The following RSPO2 variants were observed in gnomAD, a reference collection of about 807,000 sequenced individuals.
RSPO2 encodes the protein R-spondin-2.
A neutral mutation model predicts 30.9 loss-of-function variants in RSPO2; 14 were observed. The observed-to-expected ratio is 0.45, with a 90% CI of 0.30 to 0.71. RSPO2 has a LOEUF of 0.71. RSPO2 is among the 30% of genes least tolerant of loss of function. RSPO2 has a pLI of 0.08. For synonymous variants in RSPO2, 107 were observed against 96.4 expected (o/e 1.11, Z -0.64); for missense variants, 264 against 301.9 (o/e 0.87, Z 0.93).
At chr8:107,949,581 T>C (rs1413268573) in intron 5 of RSPO2, among the ~76,000 whole-genome samples, 2 of 152,154 alleles carry the variant, frequency 1.3e-5, no homozygotes, top group African/African-American at 4.8e-5. Flanking sequence ...ACATTTTGAT[T>C]CCATGGAACT....
rs567922187 is a variant in RSPO2 at position 108,000,196 on chromosome 8, A to T, written c.95-10952T>A. 1.2e-4 allele frequency among the ~76,000 whole-genome samples: 19 copies of T among 152,316 alleles called. 1 individual carries two copies. The South Asian group carries it at 3.9e-3, about 32-fold the overall frequency. Reference sequence around the variant, plus strand: ...GACCTGCACAGAACATGATAAACACATTCTCATTCTAACAATTTACACACA... The same window carrying T: ...GACCTGCACAGAACATGATAAACACTTTCTCATTCTAACAATTTACACACA... On this transcript the variant is annotated intron_variant, in intron 2 of 5. Coordinates refer to ENST00000276659, the MANE Select transcript of RSPO2 (RefSeq NM_178565.5).
At chr8:107,913,857 T>C (rs1381428673) in intron 5 of RSPO2, among the ~76,000 whole-genome samples, 3 of 152,172 alleles carry the variant, frequency 2.0e-5, no homozygotes, top group Admixed American at 6.6e-5. Flanking sequence ...CTACTACATG[T>C]ATACACACAC....
At chr8:107,915,112 TA>T (rs1811939404) in intron 5 of RSPO2, among the ~76,000 whole-genome samples, 1 of 152,188 alleles carries the variant, frequency 6.6e-6, no homozygotes, top group Admixed American at 6.5e-5. Flanking sequence ...ATGTGTAATC[TA>T]AAATATACTT....
intron 5 of RSPO2, among the ~76,000 whole-genome samples, chr8:107,927,247 G>C (rs969018512): frequency 2.0e-5 from 3 of 152,164 alleles, no homozygotes; most frequent in East Asian, 1.9e-4. Flanking sequence ...CATTGATTTT[G>C]TATCCTGAGA....
chr8:107,958,291 G>T, intron 4 of RSPO2, 23 bp from the exon 5 acceptor site: 2 of 1,537,234 alleles, frequency 1.3e-6, no homozygotes, highest in Non-Finnish European at 1.8e-6. Context: ...TTTAGAAAAA[G>T]AAAAAAAAAC....
chr8:107,931,851 G>A (rs1373415475), intron 5 of RSPO2, among the ~76,000 whole-genome samples: 1 of 152,132 alleles, frequency 6.6e-6, no homozygotes, highest in East Asian at 1.9e-4. Context: ...TTAATGGAGA[G>A]GGGATTAAGA....
intron 5 of RSPO2, among the ~76,000 whole-genome samples, chr8:107,930,480 C>T (rs757455296): frequency 6.6e-6 from 1 of 152,208 alleles, no homozygotes; most frequent in Non-Finnish European, 1.5e-5. Context: ...TGCAAGGCTT[C>T]CTCAACTGCT....
chr8:108,019,325 G>A (rs7004547), intron 2 of RSPO2, among the ~76,000 whole-genome samples: 2,576 of 152,110 alleles, frequency 0.017, 67 homozygotes, highest in African/African-American at 0.058. Context: ...CTGTACTCCA[G>A]CCTGGGTGAC....
chr8:107,911,847 G>A (rs73315488), intron 5 of RSPO2, among the ~76,000 whole-genome samples: 5,640 of 152,058 alleles, frequency 0.037, 343 homozygotes, highest in African/African-American at 0.13. Context: ...CTTTGATCTC[G>A]TAATCATTTA....
chr8:108,066,068 G>GA (rs1249036056), intron 2 of RSPO2, among the ~76,000 whole-genome samples: 2 of 151,242 alleles, frequency 1.3e-5, no homozygotes, highest in Admixed American at 6.6e-5. Context: ...AAAAGAAAAA[G>GA]AAAAGACAAG....
intron 2 of RSPO2, among the ~76,000 whole-genome samples, chr8:108,000,162 G>A (rs1273809731): frequency 6.6e-6 from 1 of 152,068 alleles, no homozygotes; most frequent in East Asian, 1.9e-4. Flanking sequence ...TCTGCTTGAG[G>A]GCACAATGGA....
intron 2 of RSPO2, 154 bp from the exon 3 acceptor site, chr8:107,989,398 T>A (rs3739243): frequency 5.5e-6 from 3 of 546,864 alleles, no homozygotes; most frequent in Admixed American, 4.1e-5. Context: ...CTCTACCTCC[T>A]CCACCCAAAA....
At chr8:107,926,651 G>A (rs183354956) in intron 5 of RSPO2, among the ~76,000 whole-genome samples, 2,205 of 152,220 alleles carry the variant, frequency 0.014, 16 homozygotes, top group South Asian at 0.038. Context: ...ATTAAATAGG[G>A]AATCCTTTCC....
intron 2 of RSPO2, among the ~76,000 whole-genome samples, chr8:107,997,997 GA>G (rs1815088811): frequency 6.6e-6 from 1 of 152,188 alleles, no homozygotes; most frequent in Admixed American, 6.5e-5. Flanking sequence ...CAAAGGTACA[GA>G]TTTCTAATTC....
intron 5 of RSPO2, among the ~76,000 whole-genome samples, chr8:107,956,074 T>A (rs1380647442): frequency 1.3e-5 from 2 of 152,210 alleles, no homozygotes; most frequent in East Asian, 3.8e-4. Context: ...GATACTCCCC[T>A]GGAAGTTACG....
chr8:108,009,287 A>C (rs971848617), intron 2 of RSPO2, among the ~76,000 whole-genome samples: 49 of 152,320 alleles, frequency 3.2e-4, no homozygotes, highest in African/African-American at 1.1e-3. Context: ...TCTAGCTGAA[A>C]GAATTGGATA....
At chr8:107,966,510 G>A (rs1813811969) in intron 3 of RSPO2, among the ~76,000 whole-genome samples, 1 of 152,126 alleles carries the variant, frequency 6.6e-6, no homozygotes, top group South Asian at 2.1e-4. Context: ...AGACAGTAGA[G>A]GTCAGGAAAA....
chr8:107,966,277 C>T (rs1041669463), intron 3 of RSPO2, among the ~76,000 whole-genome samples: 2 of 152,126 alleles, frequency 1.3e-5, no homozygotes, highest in African/African-American at 4.8e-5. Flanking sequence ...ACCATGTTTC[C>T]TCATTGAGAC....
chr8:107,975,561 G>A (rs1247726071), intron 3 of RSPO2, among the ~76,000 whole-genome samples: 4 of 152,178 alleles, frequency 2.6e-5, no homozygotes, highest in South Asian at 4.1e-4. Flanking sequence ...AGTAAGCCAC[G>A]ACATAGTATC....
Sources: allele counts gnomAD v4.1 joint callset (sites outside exome capture counted in the v4.1 genomes callset), GRCh38; gene constraint gnomAD v4.1.1; transcripts MANE v1.5; gene names NCBI Gene and HGNC (gene_info 2026-07-23, HGNC 2026-07-21).